DLGAP2: variants seen among roughly 807,000 people sequenced by gnomAD.
The protein encoded by DLGAP2 is DLG associated protein 2.
A neutral mutation model predicts 100.3 loss-of-function variants in DLGAP2; 26 were observed. The ratio of observed to expected loss-of-function variants is 0.26; its 90% CI spans 0.19 to 0.36. The LOEUF is 0.36. Among genes scored for constraint, DLGAP2 ranks in the 10% least tolerant of loss-of-function variants. The pLI is 1.00. For missense variants in DLGAP2, 1,858 were observed against 1,453.2 expected, an observed-to-expected ratio of 1.28 and a Z score of -4.53; for synonymous variants, 886 against 630.1, an observed-to-expected ratio of 1.41 and a Z score of -6.08.
At chr8:1,565,448 A>C in intron 5 of DLGAP2, 1 of 424,982 alleles carries the variant, frequency 2.4e-6, no homozygotes, top group Non-Finnish European at 4.1e-6. Flanking sequence ...TACTTTTCTC[A>C]CATGTTCTCA....
intron 3 of DLGAP2, among the ~76,000 whole-genome samples, chr8:1,286,840 G>A (rs1345439066): frequency 6.6e-6 from 1 of 152,214 alleles, no homozygotes; most frequent in Non-Finnish European, 1.5e-5. Flanking sequence ...GGCCGTATGG[G>A]GAAAGTGACT....
chr8:1,660,516 C>G (rs1421136992), intron 8 of DLGAP2, among the ~76,000 whole-genome samples: 1 of 152,172 alleles, frequency 6.6e-6, no homozygotes, highest in African/African-American at 2.4e-5. Flanking sequence ...CCCTTGACCT[C>G]TGTACTCACA....
Position 946,422 on chromosome 8 carries a change from C to G in DLGAP2, c.73+38456C>G, listed in dbSNP as rs370969164. On this transcript the variant is annotated intron_variant, in intron 2 of 14. Transcript: ENST00000637795. ...GGGACTACAGGCGCCCGCCACCACG[C>G]CCGGCTAATTTTTTGTAGTTTTTGT... is the stretch of plus-strand genomic sequence containing the variant. 4.6e-5 allele frequency among the ~76,000 whole-genome samples: 7 copies of G among 152,074 alleles called. No homozygotes were observed. The East Asian group carries it at 1.2e-3, about 25-fold the overall frequency.
intron 2 of DLGAP2, among the ~76,000 whole-genome samples, chr8:1,095,912 G>A (rs972550107): frequency 2.0e-5 from 3 of 152,178 alleles, no homozygotes; most frequent in African/African-American, 7.2e-5. Context: ...CTTCCCTAGA[G>A]AACAGGCTCT....
intron 2 of DLGAP2, among the ~76,000 whole-genome samples, chr8:1,234,254 C>G (rs899424381): frequency 6.6e-6 from 1 of 152,184 alleles, no homozygotes; most frequent in Admixed American, 6.5e-5. Flanking sequence ...GGAACCAGCA[C>G]AGGAATGCAC....
intron 3 of DLGAP2, among the ~76,000 whole-genome samples, chr8:1,411,663 T>C (rs1234306051): frequency 6.6e-6 from 1 of 152,188 alleles, no homozygotes; most frequent in African/African-American, 2.4e-5. Flanking sequence ...CTCTGAACCA[T>C]CTGCTAAACT....
chr8:1,419,692 T>G (rs369029987), intron 3 of DLGAP2, among the ~76,000 whole-genome samples: 1 of 152,096 alleles, frequency 6.6e-6, no homozygotes, highest in African/African-American at 2.4e-5. Flanking sequence ...AGAATGGCGG[T>G]TACCAGAAAG....
intron 6 of DLGAP2, among the ~76,000 whole-genome samples, chr8:1,580,471 C>A (rs892728130): frequency 6.6e-6 from 1 of 152,160 alleles, no homozygotes; most frequent in Non-Finnish European, 1.5e-5. Context: ...AAAGAGCATC[C>A]GAGAGCTGCA....
intron 4 of DLGAP2, among the ~76,000 whole-genome samples, chr8:1,520,697 G>C (rs532372696): frequency 2.0e-5 from 3 of 152,124 alleles, no homozygotes; most frequent in African/African-American, 7.2e-5. Context: ...GCTTTTTCAT[G>C]GCTTGGGAGC....
intron 1 of DLGAP2, among the ~76,000 whole-genome samples, chr8:755,715 G>A (rs1471431713): frequency 6.6e-6 from 1 of 152,170 alleles, no homozygotes; most frequent in Non-Finnish European, 1.5e-5. Context: ...ATGGCTAGGG[G>A]GCCTGGAGAG....
At chr8:1,346,336 A>G (rs746125795) in intron 3 of DLGAP2, among the ~76,000 whole-genome samples, 13 of 150,726 alleles carry the variant, frequency 8.6e-5, no homozygotes, top group Non-Finnish European at 1.9e-4. Flanking sequence ...GTTCCCATAC[A>G]CATCTGCATT....
intron 3 of DLGAP2, among the ~76,000 whole-genome samples, chr8:1,316,850 C>A (rs1417246423): frequency 6.9e-6 from 1 of 145,252 alleles, no homozygotes; most frequent in South Asian, 2.2e-4. Context: ...AGCGTCTCTC[C>A]CACAGTGGTC....
Position 944,038 on chromosome 8 carries a change from C to G in DLGAP2, c.73+36072C>G, listed in dbSNP as rs145526889. On this transcript the variant is annotated intron_variant, in intron 2 of 14. Transcript: ENST00000637795. Reference sequence around the variant, plus strand: ...CAGCTTTGTTTTCACAAATCTGTGACTTGTTTTGGCGTAGAGACCATTTGG... The same window carrying G: ...CAGCTTTGTTTTCACAAATCTGTGAGTTGTTTTGGCGTAGAGACCATTTGG... Among the ~76,000 whole-genome samples the G allele has an allele frequency of 7.2e-5, 11 of 152,368 alleles. No individual in the cohort carries two copies. In the East Asian group the frequency reaches 2.1e-3, roughly 29 times the overall value.
At chr8:1,234,315 G>A (rs1408064809) in intron 2 of DLGAP2, among the ~76,000 whole-genome samples, 1 of 152,150 alleles carries the variant, frequency 6.6e-6, no homozygotes, top group African/African-American at 2.4e-5. Flanking sequence ...TCTGCAGGCT[G>A]CTTTCTTCTG....
intron 3 of DLGAP2, among the ~76,000 whole-genome samples, chr8:1,442,228 C>T (rs34247988): frequency 2.8e-4 from 27 of 97,138 alleles, no homozygotes; most frequent in South Asian, 1.3e-3. Context: ...CCGGGGGAGA[C>T]GGACCCAGGC....
At chr8:1,338,777 C>T (rs1244380798) in intron 3 of DLGAP2, among the ~76,000 whole-genome samples, 1 of 149,770 alleles carries the variant, frequency 6.7e-6, no homozygotes, top group African/African-American at 2.5e-5. Context: ...GGAGACTGAA[C>T]GGGAAGTACC....
chr8:1,337,554 G>C (rs1393433952), intron 3 of DLGAP2, among the ~76,000 whole-genome samples: 1 of 151,780 alleles, frequency 6.6e-6, no homozygotes, highest in Non-Finnish European at 1.5e-5. Context: ...TGATCATAAT[G>C]GTGGTGGTGA....
At chr8:1,162,774 G>A (rs148843077) in intron 2 of DLGAP2, among the ~76,000 whole-genome samples, 402 of 152,238 alleles carry the variant, frequency 2.6e-3, no homozygotes, top group Admixed American at 6.4e-3. Context: ...TACTGTGTCT[G>A]TTGTCTGTAC....
rs1382773055 is a variant in DLGAP2, at chr8:1,392,883, G to GT, written c.107-108480dup. On this transcript the variant is annotated intron_variant, in intron 3 of 14. Coordinates refer to ENST00000637795, the MANE Select transcript of DLGAP2 (RefSeq NM_001346810.2). ...GGCGTGTGTCTTTGTTAAATGTGAC[G>GT]TTTCTGTTTTTTTTTTGAGACGGAG... 2.0e-3 allele frequency among the ~76,000 whole-genome samples: 286 copies of GT among 139,804 alleles called. 2 individuals are homozygous for GT. Among genetic ancestry groups the GT allele is most frequent in the African/African-American group, 4.9e-3 (180 of 36,740 alleles). The allele number at this position is 139,804 out of a possible 152,430, so 91.7% of individuals were successfully genotyped here. A position where few individuals can be genotyped will look rare whatever the true frequency, so the allele number is the denominator to read the frequency against.
Sources: allele counts gnomAD v4.1 joint callset (sites outside exome capture counted in the v4.1 genomes callset), GRCh38; gene constraint gnomAD v4.1.1; transcripts MANE v1.5; gene names NCBI Gene and HGNC (gene_info 2026-07-23, HGNC 2026-07-21).